KCNH8: variants seen among roughly 807,000 people sequenced by gnomAD.
KCNH8 encodes potassium voltage-gated channel subfamily H member 8.
KCNH8 carries 70 observed loss-of-function variants against 103.6 expected under a neutral mutation model. The observed-to-expected ratio is 0.68, with a 90% CI of 0.56 to 0.82. The LOEUF (loss-of-function observed/expected upper bound fraction) is 0.82. Ranked by LOEUF, KCNH8 falls within the 40% of genes least tolerant of loss-of-function variation. The probability of loss-of-function intolerance (pLI) is 0.00; values close to 1 mark genes in which losing one functional copy is unlikely to be tolerated. For synonymous variants in KCNH8, 498 were observed against 489.4 expected, an observed-to-expected ratio of 1.02 and a Z score of -0.23; for missense variants, 1,217 against 1,329.9, an observed-to-expected ratio of 0.92 and a Z score of 1.32.
At chr3:19,165,374 G>A (rs767120027) in intron 1 of KCNH8, among the ~76,000 whole-genome samples, 11 of 152,108 alleles carry the variant, frequency 7.2e-5, no homozygotes, top group Non-Finnish European at 1.5e-4. Flanking sequence ...ACTATTGAAC[G>A]TAAACTATTA....
intron 1 of KCNH8, among the ~76,000 whole-genome samples, chr3:19,245,745 G>C (rs559297257): frequency 2.6e-5 from 4 of 152,164 alleles, no homozygotes; most frequent in Admixed American, 2.6e-4. Flanking sequence ...CTGTCAGCCT[G>C]GACATTGGTG....
intron 11 of KCNH8, among the ~76,000 whole-genome samples, chr3:19,505,839 T>G (rs2068680811): frequency 1.3e-5 from 2 of 152,230 alleles, no homozygotes. Context: ...ACCTCATATT[T>G]CTCAGAGGTT....
chr3:19,383,520 C>T (rs1010076230), intron 5 of KCNH8, among the ~76,000 whole-genome samples: 2 of 151,998 alleles, frequency 1.3e-5, no homozygotes, highest in Non-Finnish European at 2.9e-5. Flanking sequence ...TACAGGCGCC[C>T]GCCACTACAT....
At chr3:19,287,572 TTTGTTGTTGTTGTTGTTG>T (rs113159230) in intron 3 of KCNH8, among the ~76,000 whole-genome samples, 4 of 150,668 alleles carry the variant, frequency 2.7e-5, no homozygotes, top group African/African-American at 9.8e-5. Flanking sequence ...CAGTCCACTT[TTTGTTGTTGTTGTTGTTG>T]TTGTTGTTGT....
intron 2 of KCNH8, among the ~76,000 whole-genome samples, chr3:19,254,433 C>A (rs549126045): frequency 6.6e-6 from 1 of 152,224 alleles, no homozygotes; most frequent in South Asian, 2.1e-4. Context: ...ACAGGAGACA[C>A]TTAGCATCTC....
chr3:19,380,406 G>C (rs2066272811), intron 5 of KCNH8, among the ~76,000 whole-genome samples: 1 of 152,244 alleles, frequency 6.6e-6, no homozygotes, highest in Non-Finnish European at 1.5e-5. Flanking sequence ...CTATAGGCCA[G>C]GTGTACTTCG....
At chr3:19,324,481 C>T (rs2065393928) in intron 3 of KCNH8, among the ~76,000 whole-genome samples, 1 of 152,152 alleles carries the variant, frequency 6.6e-6, no homozygotes, top group Non-Finnish European at 1.5e-5. Flanking sequence ...AGCCACCTTC[C>T]ACCAGGTCCC....
At chr3:19,479,338 G>A (rs984449134) in intron 11 of KCNH8, among the ~76,000 whole-genome samples, 4 of 152,054 alleles carry the variant, frequency 2.6e-5, no homozygotes, top group Admixed American at 2.6e-4. Context: ...AGTTAGTCTT[G>A]ATCTCAAAAC....
At chr3:19,153,068 G>A (rs1274384388) in intron 1 of KCNH8, among the ~76,000 whole-genome samples, 2 of 152,086 alleles carry the variant, frequency 1.3e-5, no homozygotes, top group African/African-American at 4.8e-5. Flanking sequence ...CTTAATGTTA[G>A]AAGCATAGGG....
intron 11 of KCNH8, among the ~76,000 whole-genome samples, chr3:19,465,539 G>A (rs2067717688): frequency 6.6e-6 from 1 of 152,044 alleles, no homozygotes; most frequent in Non-Finnish European, 1.5e-5. Flanking sequence ...CTATTCTGTA[G>A]CCCATAGATG....
intron 1 of KCNH8, among the ~76,000 whole-genome samples, chr3:19,205,023 G>A (rs1227128904): frequency 1.3e-5 from 2 of 151,796 alleles, no homozygotes; most frequent in Non-Finnish European, 2.9e-5. Context: ...AACCAAAATA[G>A]AGATCAAAAG....
At chr3:19,176,556 A>G (rs1296772862) in intron 1 of KCNH8, among the ~76,000 whole-genome samples, 2 of 152,178 alleles carry the variant, frequency 1.3e-5, no homozygotes, top group Non-Finnish European at 2.9e-5. Context: ...CTTTAAAATT[A>G]TCAGAGAAGT....
intron 11 of KCNH8, among the ~76,000 whole-genome samples, chr3:19,462,902 A>C (rs1222731355): frequency 1.3e-5 from 2 of 152,108 alleles, no homozygotes; most frequent in African/African-American, 4.8e-5. Flanking sequence ...TCCTTTCCCC[A>C]TTTGTTTTTG....
chr3:19,520,815 C>G (rs2068959260), intron 15 of KCNH8, among the ~76,000 whole-genome samples: 1 of 151,936 alleles, frequency 6.6e-6, no homozygotes, highest in Admixed American at 6.6e-5. Context: ...GCTGCAGAAT[C>G]TCTATTCTGA....
rs2069242824 is a variant in KCNH8 at position 19,535,074 on chromosome 3, G to A, written c.*975G>A. ...TTAAGGTCGTTGTGCCAGCAGAAAT[G>A]TCTCTCCTCTAGGTATCGTATTTTG... On this transcript the variant is annotated 3_prime_UTR_variant, in exon 16 of 16. Coordinates refer to ENST00000328405, the MANE Select transcript of KCNH8 (RefSeq NM_144633.3). 1 of 152,168 alleles carries A rather than the reference G, an allele frequency of 6.6e-6. No individual in the cohort carries two copies. Among genetic ancestry groups the A allele is most frequent in the South Asian group, 2.1e-4 (1 of 4,826 alleles). The allele number at this position is 152,168 out of a possible 1,614,324, so 9.4% of individuals were successfully genotyped here.
intron 1 of KCNH8, among the ~76,000 whole-genome samples, chr3:19,212,597 G>T (rs1328025268): frequency 2.0e-5 from 3 of 152,084 alleles, no homozygotes; most frequent in Admixed American, 1.3e-4. Context: ...CGTGGTTGGG[G>T]CTCATACTGT....
chr3:19,503,286 T>A (rs34210726), intron 11 of KCNH8, among the ~76,000 whole-genome samples: 90,522 of 151,036 alleles, frequency 0.6, 27,292 homozygotes, highest in Middle Eastern at 0.67. Context: ...CAACAGGTGC[T>A]GGAGAGGATG....
At chr3:19,476,028 G>A (rs1490600037) in intron 11 of KCNH8, among the ~76,000 whole-genome samples, 1 of 152,118 alleles carries the variant, frequency 6.6e-6, no homozygotes, top group African/African-American at 2.4e-5. Flanking sequence ...ACCTGAAAAT[G>A]ACTATTTGGT....
intron 7 of KCNH8, among the ~76,000 whole-genome samples, chr3:19,415,411 T>TTTA (rs914721286): frequency 6.6e-6 from 1 of 151,512 alleles, no homozygotes; most frequent in African/African-American, 2.4e-5. Context: ...GAGCTTTTTT[T>TTTA]TTTTTTTTTT....
Sources: gnomAD v4.1 joint callset for allele counts (sites outside exome capture counted in the v4.1 genomes callset) on GRCh38, gnomAD v4.1.1 for gene constraint, MANE v1.5 for transcripts, NCBI Gene and HGNC (gene_info 2026-07-23, HGNC 2026-07-21) for gene names.